SEMA7A: variants seen among roughly 807,000 people sequenced by gnomAD.
The protein encoded by SEMA7A is semaphorin-7A.
In SEMA7A, 21 loss-of-function variants were observed where a neutral mutation model predicts 67.5. The ratio of observed to expected loss-of-function variants is 0.31; its 90% CI spans 0.22 to 0.45. SEMA7A has a LOEUF of 0.45. Among genes scored for constraint, SEMA7A ranks in the 20% least tolerant of loss-of-function variants. The pLI is 1.00. For synonymous variants in SEMA7A, 364 were observed against 368.5 expected (o/e 0.99, Z 0.14); for missense variants, 774 against 908.6 (o/e 0.85, Z 1.90).
chr15:74,418,864 C>T lies in SEMA7A; in HGVS notation c.267G>A (p.Val89=), dbSNP rs141969427. Residue 89 remains valine (V), a synonymous_variant, in exon 2 of 14, where the codon GTG becomes GTA. Transcript: ENST00000261918. ...AGAGGTAGACCTTGCCACGTCCTCC[C>T]ACCCACACAGAGGAGCTGCCTGGCT... ...FHEPGSSSVW[V]GGRGKVYLFD... 238 of 1,613,954 alleles carry T rather than the reference C, an allele frequency of 1.5e-4. 1 individual carries two copies. The African/African-American group carries it at 2.5e-3, about 17-fold the overall frequency.
chr15:74,410,307 T>G lies in SEMA7A; in HGVS notation c.*317A>C. 3.1e-6 allele frequency: 1 copy of G among 322,778 alleles called. No individual in the cohort carries two copies. The highest frequency in any genetic ancestry group is 5.6e-6 in the Non-Finnish European group (1 of 177,320). The allele number at this position is 322,778 out of a possible 1,614,324, so 20.0% of individuals were successfully genotyped here. ...ACCCACTCCCCGACCCATGGGCTCT[T>G]GGGCTGGGAGCATCGCTGCATTTAG... On this transcript the variant is annotated 3_prime_UTR_variant, in exon 14 of 14. Coordinates refer to ENST00000261918, the MANE Select transcript of SEMA7A (RefSeq NM_003612.5). The surrounding 1 kb of genome is among the most constrained non-coding windows in gnomAD (Gnocchi z 7.5).
Position 74,410,544 on chromosome 15 carries a change from C to A in SEMA7A, c.*80G>T. ...GAAGAAGTGGCAGGCAAGGAGCTCC[C>A]GGGCCAGCCGGCTCTGAGTGTGAGA... is the stretch of plus-strand genomic sequence containing the variant. On this transcript the variant is annotated 3_prime_UTR_variant, in exon 14 of 14. Coordinates refer to ENST00000261918, the MANE Select transcript of SEMA7A (RefSeq NM_003612.5). The surrounding 1 kb of genome is among the most constrained non-coding windows in gnomAD (Gnocchi z 7.5). The A allele has an allele frequency of 1.3e-6, 2 of 1,506,988 alleles. No individual in the cohort carries two copies. The highest frequency in any genetic ancestry group is 1.8e-6 in the Non-Finnish European group (2 of 1,126,400). 93.4% of individuals were successfully genotyped at this position (1,506,988 alleles called of 1,614,324 possible). A position where few individuals can be genotyped will look rare whatever the true frequency, so the allele number is the denominator to read the frequency against.
chr15:74,414,590 T>C lies in SEMA7A; in HGVS notation c.1251A>G (p.Gln417=). The part of the protein sequence containing the change: ...HYQKVAVHRM[Q]ASHGETFHVL... ...CATGAAAGGTCTCCCCGTGGCTGGC[T>C]TGCATGCGGTGGACGGCCACTTTCT... Residue 417 remains glutamine, a synonymous_variant, in exon 10 of 14, where the codon CAA becomes CAG. Coordinates refer to ENST00000261918, the MANE Select transcript of SEMA7A (RefSeq NM_003612.5). The surrounding 1 kb of genome is among the most constrained non-coding windows in gnomAD (Gnocchi z 4.1). 2 of 1,614,232 alleles carry C rather than the reference T, an allele frequency of 1.2e-6. No individual in the cohort carries two copies. The highest frequency in any genetic ancestry group is 1.7e-6 in the Non-Finnish European group (2 of 1,180,052).
chr15:74,414,750 GC>G lies in SEMA7A; in HGVS notation c.1096-6del. ...CGGCTGCTGGTCTGGGAGGCACTGGGCAAGGAGAGCAGGCCCAGGTCAGTGG... is the reference window on the plus strand; with the variant it reads ...CGGCTGCTGGTCTGGGAGGCACTGGGAAGGAGAGCAGGCCCAGGTCAGTGG... On this transcript the variant is annotated splice_region_variant and splice_polypyrimidine_tract_variant and intron_variant, in intron 9 of 13. Transcript: ENST00000261918. This position sits in a 1 kb window ranked among gnomAD's most constrained non-coding sequence, Gnocchi z 4.1. 6.2e-7 allele frequency: 1 copy of G among 1,614,146 alleles called. No individual in the cohort carries two copies. The highest frequency in any genetic ancestry group is 8.5e-7 in the Non-Finnish European group (1 of 1,180,046).
chr15:74,427,052 T>G, intron 1 of SEMA7A: 1 of 224,070 alleles, frequency 4.5e-6, no homozygotes, highest in East Asian at 1.8e-4. Flanking sequence ...CTTCCTCCTT[T>G]TCTCTGTGCA....
intron 3 of SEMA7A, 101 bp from the exon 4 acceptor site, chr15:74,418,070 G>A: frequency 7.1e-7 from 1 of 1,400,094 alleles, no homozygotes; most frequent in East Asian, 2.3e-5. Context: ...GGTGTCAGAA[G>A]GGCTTAGCAT....
At position 74,430,831 on chromosome 15, in the gene SEMA7A, G is replaced by A. The variant is rs1383874210; in HGVS notation, c.178+2910C>T. Among the ~76,000 whole-genome samples, 9 of 152,292 alleles carry A rather than the reference G, an allele frequency of 5.9e-5. No homozygotes were observed. In the East Asian group the frequency reaches 1.7e-3, roughly 29 times the overall value. ...CCAGATGTGACCTCATCCCCTGGAGGAGGTAACAACAACCTCCTGCCCTGG... is the reference window on the plus strand; with the variant it reads ...CCAGATGTGACCTCATCCCCTGGAGAAGGTAACAACAACCTCCTGCCCTGG... On this transcript the variant is annotated intron_variant, in intron 1 of 13. Transcript: ENST00000261918.
intron 1 of SEMA7A, 173 bp downstream of exon 1, chr15:74,433,568 G>T: frequency 8.2e-7 from 1 of 1,223,838 alleles, no homozygotes; most frequent in Non-Finnish European, 1.0e-6. Flanking sequence ...GTGTGCCAGC[G>T]TGTACACTCA....
intron 1 of SEMA7A, among the ~76,000 whole-genome samples, chr15:74,419,378 C>T (rs941286920): frequency 6.6e-6 from 1 of 152,156 alleles, no homozygotes; most frequent in Non-Finnish European, 1.5e-5. Context: ...AAGCAAGCAG[C>T]GCCCCCCAAC....
At chr15:74,418,621 G>A (rs1172302253) in intron 2 of SEMA7A, among the ~76,000 whole-genome samples, 180 bp downstream of exon 2, 3 of 152,166 alleles carry the variant, frequency 2.0e-5, no homozygotes, top group Non-Finnish European at 4.4e-5. Flanking sequence ...CACCGCCCCA[G>A]CTCCCCACTC....
At chr15:74,428,212 G>A (rs911767637) in intron 1 of SEMA7A, among the ~76,000 whole-genome samples, 1 of 152,246 alleles carries the variant, frequency 6.6e-6, no homozygotes, top group Admixed American at 6.5e-5. Flanking sequence ...TGGCTCCTGG[G>A]AACAGACAGC....
Position 74,431,151 on chromosome 15 carries a change from C to T in SEMA7A, c.178+2590G>A, listed in dbSNP as rs28362866. 4.2e-3 allele frequency among the ~76,000 whole-genome samples: 641 copies of T among 152,334 alleles called. 7 individuals carry two copies. The highest frequency in any genetic ancestry group is 0.015 in the African/African-American group (615 of 41,572). On this transcript the variant is annotated intron_variant, in intron 1 of 13. Coordinates refer to ENST00000261918, the MANE Select transcript of SEMA7A (RefSeq NM_003612.5). ...TCTACTCCCTTACAGTTCCTGCTTA[C>T]AGGAAGATCAGGACCACACATGCAC...
chr15:74,424,975 C>T (rs2061031566), intron 1 of SEMA7A, among the ~76,000 whole-genome samples: 1 of 152,210 alleles, frequency 6.6e-6, no homozygotes, highest in Admixed American at 6.5e-5. Context: ...CGGAGAATGG[C>T]TACACAACCC....
chr15:74,433,292 C>G (rs2061107306), intron 1 of SEMA7A, among the ~76,000 whole-genome samples: 1 of 151,664 alleles, frequency 6.6e-6, no homozygotes, highest in Non-Finnish European at 1.5e-5. Flanking sequence ...GGTCCGCGCC[C>G]CCCTTGCCGG....
At chr15:74,419,933 G>A (rs571703339) in intron 1 of SEMA7A, among the ~76,000 whole-genome samples, 1 of 152,292 alleles carries the variant, frequency 6.6e-6, no homozygotes, top group South Asian at 2.1e-4. Flanking sequence ...CTGGTTGCAG[G>A]AGTAAATTAT....
chr15:74,415,957 G>A lies in SEMA7A; in HGVS notation c.830C>T (p.Ser277Leu), dbSNP rs2060944341. ...CAGAAAAGTGTTCCACTTGGAGACT[G>A]ACAGTGAACTTTCCCCACCCTGGTC... ...RGDQGGESSLSVSKWNTFLKA... is the reference protein window; with the variant it reads ...RGDQGGESSLLVSKWNTFLKA... Residue 277 changes from serine to leucine, a missense_variant, in exon 8 of 14, where the codon TCA becomes TTA. Physicochemically the swap from Ser to Leu is moderately radical, Grantham distance 145. Around this residue, in one of 2 missense-constraint regions of SEMA7A, gnomAD observed 427 missense variants for 555.4 expected, o/e 0.77. Coordinates refer to ENST00000261918, the MANE Select transcript of SEMA7A (RefSeq NM_003612.5). 6.2e-7 allele frequency: 1 copy of A among 1,613,982 alleles called. No homozygotes were observed. Among genetic ancestry groups the A allele is most frequent in the Non-Finnish European group, 8.5e-7 (1 of 1,179,978 alleles).
chr15:74,433,376 G>C (rs1488225735), intron 1 of SEMA7A, among the ~76,000 whole-genome samples: 1 of 151,958 alleles, frequency 6.6e-6, no homozygotes, highest in Non-Finnish European at 1.5e-5. Context: ...TCCCAGGCGG[G>C]GAAAGGTCCT....
chr15:74,433,695 C>T (rs1333252065), intron 1 of SEMA7A, 46 bp downstream of exon 1: 4 of 1,382,192 alleles, frequency 2.9e-6, no homozygotes, highest in Non-Finnish European at 3.7e-6. Flanking sequence ...ACCCGCCCCG[C>T]GCAGCGTCTG....
chr15:74,409,357 C>G lies in SEMA7A; in HGVS notation c.*1267G>C, dbSNP rs2060879042. 1 of 152,250 alleles carries G rather than the reference C, an allele frequency of 6.6e-6. No individual in the cohort carries two copies. The highest frequency in any genetic ancestry group is 2.4e-5 in the African/African-American group (1 of 41,456). The allele number at this position is 152,250 out of a possible 1,614,324, so 9.4% of individuals were successfully genotyped here. A position where few individuals can be genotyped will look rare whatever the true frequency, so the allele number is the denominator to read the frequency against. On this transcript the variant is annotated 3_prime_UTR_variant, in exon 14 of 14. Transcript: ENST00000261918. ...GTGCATTGAGAAGAGGTGCAGGGGC[C>G]AAAGCTGGAAGGCCACTGGCCCCAG...
Sources: gnomAD v4.1 joint callset for allele counts (sites outside exome capture counted in the v4.1 genomes callset) on GRCh38, gnomAD v4.1.1 for gene constraint, gnomAD v4.1.1 regional missense constraint, Gnocchi (gnomAD v3.1) non-coding constraint, MANE v1.5 for transcripts, NCBI Gene and HGNC (gene_info 2026-07-23, HGNC 2026-07-21) for gene names.